The following GUCY1A1 variants were observed in gnomAD, a reference collection of about 807,000 sequenced individuals.
GUCY1A1 encodes the protein guanylate cyclase soluble subunit alpha-1.
In GUCY1A1, 48 loss-of-function variants were observed where a neutral mutation model predicts 64.5. The ratio of observed to expected loss-of-function variants is 0.74; its 90% CI spans 0.59 to 0.95. The LOEUF (loss-of-function observed/expected upper bound fraction) is 0.95. Among genes scored for constraint, GUCY1A1 ranks in the 40% least tolerant of loss-of-function variants. The pLI is 0.00. For missense variants in GUCY1A1, 804 were observed against 825.3 expected, an observed-to-expected ratio of 0.97 and a Z score of 0.32; for synonymous variants, 308 against 303.4, an observed-to-expected ratio of 1.02 and a Z score of -0.16.
chr4:155,727,732 A>G (rs2127000672), intron 9 of GUCY1A1, among the ~76,000 whole-genome samples: 1 of 151,846 alleles, frequency 6.6e-6, no homozygotes, highest in East Asian at 1.9e-4. Context: ...TTAAGTATCA[A>G]CATTTTGCCA....
chr4:155,722,497 A>G (rs1443864331), intron 9 of GUCY1A1: 4 of 1,080,704 alleles, frequency 3.7e-6, no homozygotes, highest in Non-Finnish European at 4.6e-6. Flanking sequence ...GTGTTCTGAC[A>G]TCAACTAGTA....
chr4:155,724,946 A>G (rs1305706282), intron 9 of GUCY1A1, among the ~76,000 whole-genome samples: 3 of 151,912 alleles, frequency 2.0e-5, no homozygotes, highest in African/African-American at 4.8e-5. Flanking sequence ...CTTACCAATC[A>G]CCTTAAAATG....
chr4:155,728,759 T>C (rs1735108182), intron 9 of GUCY1A1, among the ~76,000 whole-genome samples: 2 of 151,874 alleles, frequency 1.3e-5, no homozygotes, highest in African/African-American at 2.4e-5. Flanking sequence ...TTTTAAAAAT[T>C]GATTTATTCA....
At chr4:155,721,986 T>A in intron 8 of GUCY1A1, 52 bp from the exon 9 acceptor site, 3 of 1,202,428 alleles carry the variant, frequency 2.5e-6, no homozygotes, top group Non-Finnish European at 3.7e-6. Context: ...CACTGACGAG[T>A]AGGAAGTGTT....
In GUCY1A1 at chr4:155,711,100, G is replaced by A. The variant is rs761897078; in HGVS notation, c.935G>A (p.Arg312Lys). The change falls in exon 6 of 10, where the codon AGA becomes AAA. Residue 312 changes from arginine (R) to lysine (K), a missense_variant. Transcript: ENST00000506455. ...GNGIRRLMNR[R>K]DFQGKPNFEE... ...GGCATCAGAAGGCTGATGAACAGGAGAGACTTTCAAGGAAAGCCTAATTTT... is the reference window on the plus strand; with the variant it reads ...GGCATCAGAAGGCTGATGAACAGGAAAGACTTTCAAGGAAAGCCTAATTTT... 6.2e-7 allele frequency: 1 copy of A among 1,613,666 alleles called. No homozygotes were observed. The highest frequency in any genetic ancestry group is 2.2e-5 in the East Asian group (1 of 44,868).
At chr4:155,725,530 G>T (rs1734545347) in intron 9 of GUCY1A1, among the ~76,000 whole-genome samples, 1 of 151,998 alleles carries the variant, frequency 6.6e-6, no homozygotes, top group Admixed American at 6.6e-5. Flanking sequence ...GTGTATATGT[G>T]CATACTGAGG....
chr4:155,668,059 T>C (rs1217544354), intron 2 of GUCY1A1: 1 of 152,308 alleles, frequency 6.6e-6, no homozygotes, highest in Non-Finnish European at 1.5e-5. Context: ...AATGATTTAC[T>C]GCTTAGCAGT....
chr4:155,722,438 A>G (rs1734090454), intron 9 of GUCY1A1: 2 of 1,313,100 alleles, frequency 1.5e-6, no homozygotes, highest in South Asian at 1.8e-5. Context: ...ATAGTCTTCC[A>G]TCATTCTTCT....
In GUCY1A1 at chr4:155,736,728, C is replaced by T. The variant is rs938085245; in HGVS notation, c.*6497C>T. On this transcript the variant is annotated 3_prime_UTR_variant, in exon 10 of 10. Transcript: ENST00000506455. ...TTTTCAGCAAATATTTAACATATCT[C>T]TCAATATATTTTTCACCAGTTTTTG... 2 of 151,864 alleles carry T rather than the reference C, an allele frequency of 1.3e-5. No homozygotes were observed. The highest frequency in any genetic ancestry group is 4.8e-5 in the African/African-American group (2 of 41,378). The allele number at this position is 151,864 out of a possible 1,614,324, so 9.4% of individuals were successfully genotyped here. A position where few individuals can be genotyped will look rare whatever the true frequency, so the allele number is the denominator to read the frequency against.
At chr4:155,672,496 C>T (rs1734282807) in intron 2 of GUCY1A1, among the ~76,000 whole-genome samples, 1 of 152,172 alleles carries the variant, frequency 6.6e-6, no homozygotes, top group African/African-American at 2.4e-5. Flanking sequence ...CTGAGACAGA[C>T]TTGGTCAAAT....
intron 7 of GUCY1A1, among the ~76,000 whole-genome samples, chr4:155,713,971 T>C (rs575674865): frequency 1.3e-5 from 2 of 152,198 alleles, no homozygotes; most frequent in South Asian, 4.1e-4. Flanking sequence ...ATTCAAAGTA[T>C]GGCTTATACA....
intron 2 of GUCY1A1, among the ~76,000 whole-genome samples, chr4:155,686,547 G>A (rs1306245453): frequency 6.6e-6 from 1 of 152,218 alleles, no homozygotes; most frequent in Non-Finnish European, 1.5e-5. Context: ...AATAATTAGA[G>A]ACAGGATTCC....
chr4:155,695,443 T>G (rs1730289288), intron 2 of GUCY1A1, among the ~76,000 whole-genome samples: 1 of 152,124 alleles, frequency 6.6e-6, no homozygotes, highest in African/African-American at 2.4e-5. Flanking sequence ...GAACAGGAAA[T>G]TATGTTCCTC....
In GUCY1A1 at chr4:155,713,534, C is replaced by A. The variant is rs1237290266; in HGVS notation, c.1523C>A (p.Ala508Glu). The change falls in exon 7 of 10, where the codon GCA becomes GAA. Residue 508 changes from alanine to glutamate, a missense_variant. Transcript: ENST00000506455. ...SPLQVITMLNALYTRFDQQCG... is the reference protein window; with the variant it reads ...SPLQVITMLNELYTRFDQQCG... ...CTGCAGGTCATCACCATGCTCAATG[C>A]ACTGTACACTCGCTTCGACCAGCAG... 1.2e-6 allele frequency: 2 copies of A among 1,613,908 alleles called. No homozygotes were observed. The highest frequency in any genetic ancestry group is 1.7e-6 in the Non-Finnish European group (2 of 1,179,920).
At chr4:155,713,679 C>T (rs1017530224) in intron 7 of GUCY1A1, 96 bp downstream of exon 7, 1 of 1,356,022 alleles carries the variant, frequency 7.4e-7, no homozygotes, top group Non-Finnish European at 1.0e-6. Flanking sequence ...ACTGAAAGGC[C>T]ACCTCTGTAG....
chr4:155,723,367 C>T (rs1410874126), intron 9 of GUCY1A1, among the ~76,000 whole-genome samples: 1 of 152,104 alleles, frequency 6.6e-6, no homozygotes, highest in African/African-American at 2.4e-5. Flanking sequence ...TTCACTGTCG[C>T]CTTGACAACA....
chr4:155,677,580 G>A (rs933274107), intron 2 of GUCY1A1, among the ~76,000 whole-genome samples: 2 of 152,154 alleles, frequency 1.3e-5, no homozygotes, highest in East Asian at 3.9e-4. Context: ...GCCGGGCACC[G>A]TGGCTCACAC....
intron 2 of GUCY1A1, among the ~76,000 whole-genome samples, chr4:155,694,437 G>A (rs747987550): frequency 4.6e-5 from 7 of 152,150 alleles, no homozygotes; most frequent in South Asian, 2.1e-4. Context: ...CTGGACCTGC[G>A]TAGGCTGTTA....
At chr4:155,698,423 C>T (rs1319508503) in intron 3 of GUCY1A1, among the ~76,000 whole-genome samples, 2 of 152,148 alleles carry the variant, frequency 1.3e-5, no homozygotes, top group Non-Finnish European at 2.9e-5. Context: ...TGGTTTGTAG[C>T]ACAGTCTGGG....
Sources: gnomAD v4.1 joint callset for allele counts (sites outside exome capture counted in the v4.1 genomes callset) on GRCh38, gnomAD v4.1.1 for gene constraint, MANE v1.5 for transcripts, NCBI Gene and HGNC (gene_info 2026-07-23, HGNC 2026-07-21) for gene names.